Variants in GABRG3 observed in about 807,000 individuals in gnomAD.
GABRG3 encodes the protein gamma-aminobutyric acid type A receptor subunit gamma3, also known as gamma-aminobutyric acid receptor subunit gamma-3.
Under a neutral mutation model 48.8 loss-of-function variants are expected in GABRG3, and 25 were observed. That is an observed-to-expected ratio of 0.51 (90% CI 0.37 to 0.72). GABRG3 has a LOEUF of 0.72. GABRG3 is among the 30% of genes least tolerant of loss of function. The pLI is 0.00. For synonymous variants in GABRG3, 227 were observed against 217.6 expected, an observed-to-expected ratio of 1.04 and a Z score of -0.38; for missense variants, 394 against 577.9, an observed-to-expected ratio of 0.68 and a Z score of 3.26.
chr15:27,048,782 G>C (rs1477396131), intron 3 of GABRG3, among the ~76,000 whole-genome samples: 1 of 152,212 alleles, frequency 6.6e-6, no homozygotes, highest in Admixed American at 6.5e-5. Context: ...TTCTGTGCCA[G>C]GTTGTGGCAA....
chr15:27,497,339 G>A (rs1040262831), intron 6 of GABRG3, among the ~76,000 whole-genome samples: 7 of 152,146 alleles, frequency 4.6e-5, no homozygotes, highest in African/African-American at 1.7e-4. Context: ...AGACTCACGG[G>A]TGCTGTATTC....
intron 3 of GABRG3, among the ~76,000 whole-genome samples, chr15:27,088,197 C>T (rs934378413): frequency 7.3e-6 from 1 of 136,154 alleles, no homozygotes; most frequent in African/African-American, 2.7e-5. Flanking sequence ...GCCTTGCAGG[C>T]GGGCTCACGT....
At chr15:27,291,342 G>C (rs1891788508) in intron 3 of GABRG3, among the ~76,000 whole-genome samples, 1 of 152,162 alleles carries the variant, frequency 6.6e-6, no homozygotes, top group African/African-American at 2.4e-5. Flanking sequence ...TTTTAAGAAT[G>C]TTATTTTAAA....
chr15:27,033,773 T>A (rs945452038), intron 3 of GABRG3, among the ~76,000 whole-genome samples: 16 of 152,118 alleles, frequency 1.1e-4, no homozygotes, highest in Admixed American at 7.9e-4. Context: ...AATGAAAAAA[T>A]TTTATTGCTG....
chr15:27,502,009 G>A (rs1420893015), intron 6 of GABRG3, among the ~76,000 whole-genome samples: 1 of 152,134 alleles, frequency 6.6e-6, no homozygotes, highest in African/African-American at 2.4e-5. Context: ...CAAGTAACAA[G>A]GTGAGTCCTC....
At chr15:26,993,124 T>C (rs1301553434) in intron 2 of GABRG3, among the ~76,000 whole-genome samples, 2 of 152,038 alleles carry the variant, frequency 1.3e-5, no homozygotes, top group East Asian at 1.9e-4. Context: ...TGGCTAAAGG[T>C]TTGTCAATTT....
intron 6 of GABRG3, among the ~76,000 whole-genome samples, chr15:27,487,766 T>G (rs1890255005): frequency 6.6e-6 from 1 of 152,184 alleles, no homozygotes; most frequent in African/African-American, 2.4e-5. Context: ...GAGAGGAGGA[T>G]GATTTAAAAT....
At chr15:27,478,544 C>T (rs1048191840) in intron 5 of GABRG3, among the ~76,000 whole-genome samples, 2 of 152,194 alleles carry the variant, frequency 1.3e-5, no homozygotes, top group Non-Finnish European at 2.9e-5. Flanking sequence ...AACCCTTGTA[C>T]ATTGCTATAG....
intron 3 of GABRG3, among the ~76,000 whole-genome samples, chr15:27,037,528 T>C (rs886728628): frequency 5.3e-5 from 8 of 152,192 alleles, no homozygotes; most frequent in African/African-American, 1.9e-4. Flanking sequence ...GTTGTGCTTA[T>C]CTGGGAGGGA....
In GABRG3 at chr15:27,319,441, T is replaced by G. The variant is rs1173267726; in HGVS notation, c.271-7368T>G. Among the ~76,000 whole-genome samples the G allele has an allele frequency of 3.9e-5, 6 of 152,248 alleles. No homozygotes were observed. Among genetic ancestry groups the G allele is most frequent in the Non-Finnish European group, 7.3e-5 (5 of 68,040 alleles). ...AGTTATTACCAACACAGGTCACTGC[T>G]GACCAGCACTGTGGTGGGGCAGTCT... is the stretch of plus-strand genomic sequence containing the variant. On this transcript the variant is annotated intron_variant, in intron 3 of 9. Coordinates refer to ENST00000615808, the MANE Select transcript of GABRG3 (RefSeq NM_033223.5). The surrounding 1 kb of genome is among the most constrained non-coding windows in gnomAD (Gnocchi z 4.4).
intron 3 of GABRG3, among the ~76,000 whole-genome samples, chr15:27,078,230 G>T (rs1346195776): frequency 1.3e-5 from 2 of 152,180 alleles, no homozygotes; most frequent in Non-Finnish European, 2.9e-5. Flanking sequence ...GGGCCGGATA[G>T]AAAAATGAAA....
intron 2 of GABRG3, among the ~76,000 whole-genome samples, chr15:27,006,005 G>T (rs1224999807): frequency 3.3e-5 from 5 of 152,208 alleles, no homozygotes; most frequent in African/African-American, 1.2e-4. Context: ...TCTAGGCAAA[G>T]CTTTGAATGT....
chr15:27,528,834 A>G (rs1891347662), intron 9 of GABRG3, among the ~76,000 whole-genome samples: 1 of 151,978 alleles, frequency 6.6e-6, no homozygotes, highest in Non-Finnish European at 1.5e-5. Context: ...ATATTATATA[A>G]ATTGTATTTT....
chr15:27,490,497 A>C (rs1890322762), intron 6 of GABRG3, among the ~76,000 whole-genome samples: 1 of 152,166 alleles, frequency 6.6e-6, no homozygotes, highest in Non-Finnish European at 1.5e-5. Context: ...ACAGAATCTG[A>C]AGAAATGCAG....
intron 3 of GABRG3, among the ~76,000 whole-genome samples, chr15:27,121,590 G>A (rs1373828099): frequency 6.6e-6 from 1 of 152,192 alleles, no homozygotes; most frequent in African/African-American, 2.4e-5. Context: ...CAGTGATGCT[G>A]TGCACCCCTC....
chr15:27,433,981 G>C (rs1455764143), intron 5 of GABRG3, among the ~76,000 whole-genome samples: 1 of 152,120 alleles, frequency 6.6e-6, no homozygotes, highest in Non-Finnish European at 1.5e-5. Context: ...ATTCTTATAG[G>C]ACTTTACACG....
intron 6 of GABRG3, among the ~76,000 whole-genome samples, chr15:27,519,482 G>A (rs11638856): frequency 0.63 from 96,355 of 152,000 alleles, 31,932 homozygotes; most frequent in African/African-American, 0.84. Flanking sequence ...AACAAAGTGC[G>A]AAGTTGATAA....
In GABRG3 at chr15:27,073,852, C is replaced by T. The variant is rs373364112; in HGVS notation, c.270+47031C>T. On this transcript the variant is annotated intron_variant, in intron 3 of 9. Transcript: ENST00000615808. ...TGAGGAAGGATCACTGCCAAGCCCT[C>T]GTGGTGGTTGTTCACATGGATTTCC... 2.6e-5 allele frequency among the ~76,000 whole-genome samples: 4 copies of T among 152,326 alleles called. No homozygotes were observed. The East Asian group carries it at 5.8e-4, about 22-fold the overall frequency.
intron 6 of GABRG3, among the ~76,000 whole-genome samples, chr15:27,487,189 G>A (rs1259948655): frequency 6.6e-6 from 1 of 152,076 alleles, no homozygotes; most frequent in Non-Finnish European, 1.5e-5. Flanking sequence ...CCTCTTCTTG[G>A]TCTAATGAAC....
Sources: gnomAD v4.1 joint callset for allele counts (sites outside exome capture counted in the v4.1 genomes callset) on GRCh38, gnomAD v4.1.1 for gene constraint, Gnocchi (gnomAD v3.1) non-coding constraint, MANE v1.5 for transcripts, NCBI Gene and HGNC (gene_info 2026-07-23, HGNC 2026-07-21) for gene names.